The following RALYL variants were observed in gnomAD, a reference collection of about 807,000 sequenced individuals.
RALYL encodes the protein RNA-binding Raly-like protein.
Under a neutral mutation model 35.1 loss-of-function variants are expected in RALYL, and 29 were observed. The observed-to-expected ratio is 0.83, with a 90% CI of 0.61 to 1.13. The LOEUF is 1.13. Ranked by LOEUF, RALYL falls within the 50% of genes most tolerant of loss-of-function variation. The pLI is 0.00. For synonymous variants in RALYL, 120 were observed against 127.6 expected (o/e 0.94, Z 0.40); for missense variants, 359 against 360.4 (o/e 1.00, Z 0.03).
At chr8:84,268,239 G>A (rs1014652535) in intron 1 of RALYL, among the ~76,000 whole-genome samples, 11 of 152,126 alleles carry the variant, frequency 7.2e-5, no homozygotes, top group Admixed American at 2.6e-4. Flanking sequence ...CACAGTGAGA[G>A]GTTCTTGAAA....
chr8:84,738,169 C>T (rs1847657997), intron 2 of RALYL, among the ~76,000 whole-genome samples: 1 of 151,876 alleles, frequency 6.6e-6, no homozygotes, highest in Admixed American at 6.6e-5. Flanking sequence ...ATCTAAATCA[C>T]ATAGTATAGT....
At chr8:84,304,644 C>T (rs1841465399) in intron 1 of RALYL, among the ~76,000 whole-genome samples, 3 of 151,966 alleles carry the variant, frequency 2.0e-5, no homozygotes, top group Admixed American at 2.0e-4. Context: ...TTATACTTTC[C>T]TCACAATCAG....
At chr8:84,580,929 T>A (rs1378984403) in intron 2 of RALYL, among the ~76,000 whole-genome samples, 1 of 152,118 alleles carries the variant, frequency 6.6e-6, no homozygotes, top group Non-Finnish European at 1.5e-5. Flanking sequence ...AATGGCTCAA[T>A]ATCTGGGATC....
intron 1 of RALYL, among the ~76,000 whole-genome samples, chr8:84,227,052 A>ATTTTTTTTT (rs1554580116): frequency 1.8e-5 from 1 of 56,894 alleles, no homozygotes; most frequent in Non-Finnish European, 3.5e-5. Context: ...AAAAAATTGT[A>ATTTTTTTTT]TTTCTTTTTT....
intron 1 of RALYL, among the ~76,000 whole-genome samples, chr8:84,511,453 G>A (rs998737836): frequency 6.6e-6 from 1 of 151,794 alleles, no homozygotes; most frequent in Non-Finnish European, 1.5e-5. Context: ...ATATTTATGG[G>A]GTACATGTGA....
chr8:84,632,348 C>A (rs1353185611), intron 2 of RALYL, among the ~76,000 whole-genome samples: 4 of 151,898 alleles, frequency 2.6e-5, no homozygotes, highest in African/African-American at 9.7e-5. Flanking sequence ...CTTCCATTTC[C>A]ATCTTTAAAA....
At chr8:84,379,211 T>TA (rs1305566173) in intron 1 of RALYL, among the ~76,000 whole-genome samples, 2 of 151,978 alleles carry the variant, frequency 1.3e-5, no homozygotes, top group African/African-American at 4.8e-5. Context: ...ATTGGGAAGA[T>TA]ACAATTTTAG....
At chr8:84,887,581 C>CATTT in intron 7 of RALYL, 23 bp from the exon 8 acceptor site, 1 of 1,561,806 alleles carries the variant, frequency 6.4e-7, no homozygotes, top group East Asian at 2.4e-5. Context: ...AGGTAGTAGT[C>CATTT]ATTTGCTTTC....
intron 2 of RALYL, among the ~76,000 whole-genome samples, chr8:84,626,209 G>A (rs1320891150): frequency 6.6e-6 from 1 of 152,114 alleles, no homozygotes; most frequent in Non-Finnish European, 1.5e-5. Context: ...TAATAAGAGC[G>A]GAAAATACGT....
chr8:84,790,346 T>TGAGGAACA (rs1447997114), intron 3 of RALYL, among the ~76,000 whole-genome samples: 3 of 152,218 alleles, frequency 2.0e-5, no homozygotes, highest in Admixed American at 6.5e-5. Context: ...CCTGAGGGTC[T>TGAGGAACA]ATGTAGGAAC....
At chr8:84,768,666 A>G (rs1814688381) in intron 2 of RALYL, among the ~76,000 whole-genome samples, 1 of 152,236 alleles carries the variant, frequency 6.6e-6, no homozygotes, top group South Asian at 2.1e-4. Context: ...CGAGAGAAGT[A>G]TAGTTTCTAC....
At chr8:84,527,842 C>A (rs1378543793) in intron 1 of RALYL, among the ~76,000 whole-genome samples, 1 of 151,992 alleles carries the variant, frequency 6.6e-6, no homozygotes, top group Non-Finnish European at 1.5e-5. Context: ...ATGTAAATAA[C>A]TGAATGTATT....
At chr8:84,575,690 G>A (rs1225962691) in intron 2 of RALYL, among the ~76,000 whole-genome samples, 1 of 152,132 alleles carries the variant, frequency 6.6e-6, no homozygotes, top group Non-Finnish European at 1.5e-5. Context: ...ACTAATGGGA[G>A]GGGATTTTAT....
intron 4 of RALYL, among the ~76,000 whole-genome samples, chr8:84,807,452 T>C (rs1255519137): frequency 6.6e-6 from 1 of 152,206 alleles, no homozygotes; most frequent in Non-Finnish European, 1.5e-5. Context: ...GATTTTGCAA[T>C]TGCGAATTCT....
chr8:84,649,045 C>T (rs905851457), intron 2 of RALYL, among the ~76,000 whole-genome samples: 1 of 151,892 alleles, frequency 6.6e-6, no homozygotes, highest in African/African-American at 2.4e-5. Context: ...ATCTTATTCT[C>T]AAGACCTCCC....
At chr8:84,447,986 G>A (rs138144472) in intron 1 of RALYL, among the ~76,000 whole-genome samples, 2 of 152,090 alleles carry the variant, frequency 1.3e-5, no homozygotes, top group East Asian at 1.9e-4. Context: ...CAGAGAGAGC[G>A]AGAGTGAGGA....
intron 1 of RALYL, among the ~76,000 whole-genome samples, chr8:84,460,037 A>G (rs1309874535): frequency 6.6e-6 from 1 of 151,788 alleles, no homozygotes; most frequent in Non-Finnish European, 1.5e-5. Context: ...TAGTCGAAGC[A>G]ATGAGATGTG....
At chr8:84,373,650 G>A (rs748346085) in intron 1 of RALYL, among the ~76,000 whole-genome samples, 2 of 152,004 alleles carry the variant, frequency 1.3e-5, no homozygotes, top group Non-Finnish European at 1.5e-5. Flanking sequence ...GTCAGGTAGC[G>A]TGATGCCTCC....
At chr8:84,516,852 TA>T (rs1274217159) in intron 1 of RALYL, among the ~76,000 whole-genome samples, 4 of 152,178 alleles carry the variant, frequency 2.6e-5, no homozygotes, top group African/African-American at 7.2e-5. Context: ...ATTTGTAAAT[TA>T]AAAGCCAGCC....
Sources: allele counts gnomAD v4.1 joint callset (sites outside exome capture counted in the v4.1 genomes callset), GRCh38; gene constraint gnomAD v4.1.1; transcripts MANE v1.5; gene names NCBI Gene and HGNC (gene_info 2026-07-23, HGNC 2026-07-21).